The following STARD13 variants were observed in gnomAD, a reference collection of about 807,000 sequenced individuals.
STARD13 encodes StAR related lipid transfer domain containing 13, also known as stAR-related lipid transfer protein 13.
In STARD13, 62 loss-of-function variants were observed where a neutral mutation model predicts 106.4. The ratio of observed to expected loss-of-function variants is 0.58; its 90% CI spans 0.48 to 0.72. The LOEUF is 0.72. Among genes scored for constraint, STARD13 ranks in the 30% least tolerant of loss-of-function variants. STARD13 has a pLI of 0.00. For missense variants in STARD13, 1,387 were observed against 1,424.0 expected (o/e 0.97, Z 0.42); for synonymous variants, 565 against 553.0 (o/e 1.02, Z -0.31).
At chr13:33,157,894 A>T (rs1882172088) in intron 3 of STARD13, among the ~76,000 whole-genome samples, 1 of 152,244 alleles carries the variant, frequency 6.6e-6, no homozygotes, top group Non-Finnish European at 1.5e-5. Flanking sequence ...ATAAAGTTAC[A>T]GTTTCAATGA....
chr13:33,564,553 C>T, the STARD13 span, among the ~76,000 whole-genome samples: 1 of 144,138 alleles, frequency 6.9e-6, no homozygotes, highest in African/African-American at 2.6e-5. Flanking sequence ...AAAGAAAAAT[C>T]AACTTATTAA....
chr13:33,185,510 G>A (rs1275620591), intron 1 of STARD13, among the ~76,000 whole-genome samples: 2 of 152,032 alleles, frequency 1.3e-5, no homozygotes, highest in African/African-American at 2.4e-5. Flanking sequence ...CCAAATTTCC[G>A]AGGACACTAT....
rs1401507272 is a variant in STARD13, at chr13:33,110,909, TAGACCA to T, written c.2608-8_2608-3del. ...CTGGGCCACCAACTCGTGTGGAACC[TAGACCA>T]ACGGATGCATGAAAGGGCAACACAC... On this transcript the variant is annotated splice_polypyrimidine_tract_variant and splice_region_variant and intron_variant, in intron 10 of 13. Coordinates refer to ENST00000336934, the MANE Select transcript of STARD13 (RefSeq NM_178006.4). 6.2e-7 allele frequency: 1 copy of T among 1,612,106 alleles called. No individual in the cohort carries two copies. The highest frequency in any genetic ancestry group is 1.1e-5 in the South Asian group (1 of 90,992).
At chr13:33,484,412 C>G in the STARD13 span, among the ~76,000 whole-genome samples, 5 of 152,108 alleles carry the variant, frequency 3.3e-5, no homozygotes, top group African/African-American at 4.8e-5. Context: ...TAAAATTGAC[C>G]TTTTGAGATG....
At chr13:33,410,193 T>C in the STARD13 span, among the ~76,000 whole-genome samples, 3 of 152,240 alleles carry the variant, frequency 2.0e-5, no homozygotes, top group East Asian at 1.9e-4. Context: ...ATACTTCTGA[T>C]AGATGACTAG....
chr13:33,517,128 A>T, the STARD13 span, among the ~76,000 whole-genome samples: 1 of 152,168 alleles, frequency 6.6e-6, no homozygotes, highest in East Asian at 1.9e-4. Context: ...TAAATTACCT[A>T]TGGGGCTCAG....
At chr13:33,453,211 G>T in the STARD13 span, among the ~76,000 whole-genome samples, 1 of 152,272 alleles carries the variant, frequency 6.6e-6, no homozygotes, top group Admixed American at 6.5e-5. Flanking sequence ...TATAAGAGTA[G>T]TTTTTGGCTA....
chr13:33,466,885 G>T, the STARD13 span, among the ~76,000 whole-genome samples: 4 of 152,074 alleles, frequency 2.6e-5, no homozygotes, highest in African/African-American at 9.7e-5. Context: ...AAGCCACAAA[G>T]AAATTTAAGA....
At chr13:33,655,480 T>A in the STARD13 span, among the ~76,000 whole-genome samples, 2 of 152,224 alleles carry the variant, frequency 1.3e-5, no homozygotes, top group Admixed American at 1.3e-4. Flanking sequence ...AATTAATGCA[T>A]ACTTAGTTTT....
At chr13:33,498,511 A>G in the STARD13 span, among the ~76,000 whole-genome samples, 1 of 152,238 alleles carries the variant, frequency 6.6e-6, no homozygotes, top group Non-Finnish European at 1.5e-5. Context: ...TGAAAGAAAC[A>G]TAAGATTAGC....
At chr13:33,658,559 C>T in the STARD13 span, among the ~76,000 whole-genome samples, 2 of 152,204 alleles carry the variant, frequency 1.3e-5, no homozygotes, top group Non-Finnish European at 1.5e-5. Flanking sequence ...GACTCTTAGT[C>T]TGGAGTATCT....
At chr13:33,396,091 G>T in the STARD13 span, among the ~76,000 whole-genome samples, 1 of 152,186 alleles carries the variant, frequency 6.6e-6, no homozygotes, top group Non-Finnish European at 1.5e-5. Context: ...GGGTTCAAGT[G>T]ATCTTCCAGC....
At chr13:33,280,881 T>A (rs756926683) in intron 1 of STARD13, 7 of 152,180 alleles carry the variant, frequency 4.6e-5, no homozygotes, top group Non-Finnish European at 7.3e-5. Context: ...CTAGAGAAGC[T>A]GTGACTTCTC....
intron 1 of STARD13, among the ~76,000 whole-genome samples, chr13:33,297,320 AT>A (rs1189652410): frequency 1.3e-5 from 2 of 152,240 alleles, no homozygotes; most frequent in African/African-American, 4.8e-5. Flanking sequence ...TCACAAGAGA[AT>A]ATTTACTGAG....
chr13:33,324,852 T>G (rs1364442197), intron 1 of STARD13, among the ~76,000 whole-genome samples: 1 of 152,228 alleles, frequency 6.6e-6, no homozygotes, highest in Non-Finnish European at 1.5e-5. Flanking sequence ...TTGTGATATG[T>G]TGGTCTTCCA....
intron 7 of STARD13, among the ~76,000 whole-genome samples, chr13:33,123,887 T>A (rs1876747360): frequency 6.6e-6 from 1 of 151,780 alleles, no homozygotes; most frequent in Non-Finnish European, 1.5e-5. Context: ...CTTGGGAGAG[T>A]ATGGGGTGGT....
chr13:33,574,728 C>G, the STARD13 span, among the ~76,000 whole-genome samples: 1 of 151,674 alleles, frequency 6.6e-6, no homozygotes, highest in African/African-American at 2.4e-5. Context: ...GGTAACAGAG[C>G]AAGATCCTAT....
the STARD13 span, among the ~76,000 whole-genome samples, chr13:33,518,299 T>C: frequency 6.6e-6 from 1 of 152,158 alleles, no homozygotes; most frequent in African/African-American, 2.4e-5. Flanking sequence ...AGTGTTAAAG[T>C]ATAAATTTAT....
chr13:33,219,078 C>T (rs778315721), intron 1 of STARD13, among the ~76,000 whole-genome samples: 3 of 152,014 alleles, frequency 2.0e-5, no homozygotes, highest in Non-Finnish European at 4.4e-5. Flanking sequence ...TTGTGAAATA[C>T]AATTACAGGG....
Sources: allele counts gnomAD v4.1 joint callset (sites outside exome capture counted in the v4.1 genomes callset), GRCh38; gene constraint gnomAD v4.1.1; transcripts MANE v1.5; gene names NCBI Gene and HGNC (gene_info 2026-07-23, HGNC 2026-07-21).